CLNK: variants seen among roughly 807,000 people sequenced by gnomAD.
CLNK encodes cytokine dependent hematopoietic cell linker.
CLNK carries 74 observed loss-of-function variants against 68.6 expected under a neutral mutation model. The ratio of observed to expected loss-of-function variants is 1.08; its 90% CI spans 0.89 to 1.31. The LOEUF is 1.31. Among genes scored for constraint, CLNK ranks in the 50% most tolerant of loss-of-function variants. CLNK has a pLI of 0.00. For missense variants in CLNK, 553 were observed against 515.3 expected (o/e 1.07, Z -0.71); for synonymous variants, 198 against 172.2 (o/e 1.15, Z -1.17).
chr4:10,536,113 C>T (rs1413749545), intron 11 of CLNK, among the ~76,000 whole-genome samples: 2 of 152,138 alleles, frequency 1.3e-5, no homozygotes, highest in Admixed American at 1.3e-4. Context: ...TAGCTGGAAC[C>T]ACAAAGACCA....
At chr4:10,671,177 G>T (rs983992381) in intron 1 of CLNK, among the ~76,000 whole-genome samples, 2 of 152,124 alleles carry the variant, frequency 1.3e-5, no homozygotes, top group Non-Finnish European at 2.9e-5. Flanking sequence ...CCTGAGGCCA[G>T]GAGTTCGAGG....
chr4:10,645,501 T>C (rs889809200), intron 2 of CLNK, among the ~76,000 whole-genome samples: 1 of 152,218 alleles, frequency 6.6e-6, no homozygotes, highest in African/African-American at 2.4e-5. Flanking sequence ...CACAAGTGCT[T>C]AAGTCAGATA....
At chr4:10,535,302 G>A (rs1718715519) in intron 11 of CLNK, among the ~76,000 whole-genome samples, 1 of 151,834 alleles carries the variant, frequency 6.6e-6, no homozygotes, top group African/African-American at 2.4e-5. Flanking sequence ...TGGGTGTTTT[G>A]TTTCTTAAAT....
the CLNK span, among the ~76,000 whole-genome samples, chr4:10,707,716 T>G: frequency 6.6e-6 from 1 of 152,210 alleles, no homozygotes; most frequent in Non-Finnish European, 1.5e-5. Flanking sequence ...GTTTTTCCAT[T>G]AACAGTTCTC....
At chr4:10,601,645 G>C (rs565610465) in intron 2 of CLNK, among the ~76,000 whole-genome samples, 4 of 152,170 alleles carry the variant, frequency 2.6e-5, no homozygotes, top group African/African-American at 9.7e-5. Context: ...ACCTCGAAAG[G>C]AGATGCTCAA....
chr4:10,621,426 A>C (rs2720357), intron 2 of CLNK, among the ~76,000 whole-genome samples: 8 of 152,098 alleles, frequency 5.3e-5, no homozygotes, highest in Admixed American at 1.3e-4. Flanking sequence ...ATCAAAGAAA[A>C]CTAAGTATCA....
At chr4:10,523,929 G>A in intron 14 of CLNK, 2 of 394,478 alleles carry the variant, frequency 5.1e-6, no homozygotes, top group Non-Finnish European at 5.1e-6. Context: ...GGGGGATGAT[G>A]TGGGAGGATC....
At chr4:10,639,554 T>TAAG (rs1241715198) in intron 2 of CLNK, among the ~76,000 whole-genome samples, 2 of 152,218 alleles carry the variant, frequency 1.3e-5, no homozygotes, top group African/African-American at 4.8e-5. Flanking sequence ...CTGCTTTATA[T>TAAG]AAGTCATGGA....
intron 2 of CLNK, among the ~76,000 whole-genome samples, chr4:10,614,175 T>C (rs1469718786): frequency 2.6e-5 from 4 of 152,230 alleles, no homozygotes; most frequent in African/African-American, 4.8e-5. Context: ...CCCTGGCAGA[T>C]GTCTGGGTGA....
chr4:10,650,306 A>C (rs1312595993), intron 2 of CLNK, among the ~76,000 whole-genome samples: 1 of 152,156 alleles, frequency 6.6e-6, no homozygotes, highest in Non-Finnish European at 1.5e-5. Flanking sequence ...TTTCAGAAAA[A>C]GATGGGAAAG....
chr4:10,562,938 T>A (rs1307117771), intron 7 of CLNK, among the ~76,000 whole-genome samples: 2 of 152,226 alleles, frequency 1.3e-5, no homozygotes, highest in East Asian at 3.8e-4. Context: ...TCTATAATTG[T>A]GTCTGATCCT....
chr4:10,725,865 GA>G, the CLNK span, among the ~76,000 whole-genome samples: 1 of 149,146 alleles, frequency 6.7e-6, no homozygotes, highest in African/African-American at 2.5e-5. Flanking sequence ...AAAAAAAAAA[GA>G]AAAAAGAAAA....
At chr4:10,619,503 T>C (rs1236226778) in intron 2 of CLNK, among the ~76,000 whole-genome samples, 1 of 152,130 alleles carries the variant, frequency 6.6e-6, no homozygotes, top group Non-Finnish European at 1.5e-5. Context: ...CCTTGGCTGC[T>C]CTCTGTGTGG....
At chr4:10,610,512 T>G (rs977753729) in intron 2 of CLNK, among the ~76,000 whole-genome samples, 5 of 152,098 alleles carry the variant, frequency 3.3e-5, no homozygotes, top group Non-Finnish European at 1.5e-5. Context: ...AAATTTTGAT[T>G]CAGCAAGAGG....
chr4:10,558,341 A>C (rs1486189112), intron 8 of CLNK, 66 bp downstream of exon 8: 6 of 1,346,844 alleles, frequency 4.5e-6, no homozygotes, highest in Non-Finnish European at 6.4e-6. Context: ...GTAATGCGAG[A>C]GGATCTTAGA....
chr4:10,495,437 G>C (rs1716763503), intron 18 of CLNK, among the ~76,000 whole-genome samples: 3 of 152,166 alleles, frequency 2.0e-5, no homozygotes, highest in Admixed American at 6.5e-5. Flanking sequence ...GTATTCCCTG[G>C]ATGGCAGGGA....
the CLNK span, among the ~76,000 whole-genome samples, chr4:10,731,040 A>T: frequency 6.6e-6 from 1 of 152,228 alleles, no homozygotes; most frequent in Non-Finnish European, 1.5e-5. Flanking sequence ...TATTTAAAAT[A>T]TCCAGCACTT....
chr4:10,629,542 A>T (rs1454010293), intron 2 of CLNK, among the ~76,000 whole-genome samples: 1 of 152,152 alleles, frequency 6.6e-6, no homozygotes, highest in East Asian at 1.9e-4. Flanking sequence ...GCTAACACCC[A>T]CCAGGCATCT....
intron 5 of CLNK, 62 bp from the exon 6 acceptor site, chr4:10,566,212 A>G: frequency 3.2e-6 from 5 of 1,565,168 alleles, no homozygotes; most frequent in Non-Finnish European, 3.5e-6. Flanking sequence ...AAGACAGGCT[A>G]CAGTGCTGGC....
Sources: allele counts gnomAD v4.1 joint callset (sites outside exome capture counted in the v4.1 genomes callset), GRCh38; gene constraint gnomAD v4.1.1; transcripts MANE v1.5; gene names NCBI Gene and HGNC (gene_info 2026-07-23, HGNC 2026-07-21).